Variants in ADORA2B observed in about 807,000 individuals in gnomAD.
The protein encoded by ADORA2B is adenosine receptor A2b.
Under a neutral mutation model 20.8 loss-of-function variants are expected in ADORA2B, and 18 were observed. The observed-to-expected ratio is 0.87, with a 90% CI of 0.60 to 1.29. ADORA2B has a LOEUF of 1.29. Among genes scored for constraint, ADORA2B ranks in the 50% most tolerant of loss-of-function variants. The pLI, the probability that ADORA2B is intolerant of heterozygous loss-of-function variation, is 0.00. For synonymous variants in ADORA2B, 179 were observed against 178.3 expected (o/e 1.00, Z -0.03); for missense variants, 441 against 422.7 (o/e 1.04, Z -0.38).
chr17:15,873,053 A>G, the ADORA2B span, among the ~76,000 whole-genome samples: 3 of 152,246 alleles, frequency 2.0e-5, no homozygotes, highest in Admixed American at 6.5e-5. Flanking sequence ...ATATATCCAC[A>G]TATATATTAT....
At chr17:15,918,710 T>C in the ADORA2B span, among the ~76,000 whole-genome samples, 5 of 152,186 alleles carry the variant, frequency 3.3e-5, no homozygotes, top group South Asian at 1.0e-3. Context: ...GACCTCGTGA[T>C]CTACCCGCCT....
Position 15,945,410 on chromosome 17 carries a change from G to T in ADORA2B, c.162G>T (p.Val54=). ...TGGTGTCCCTGGCTGCGGCCGACGT[G>T]GCCGTGGGGCTCTTCGCCATCCCCT... ...YFLVSLAAAD[V]AVGLFAIPFA... is the part of the protein sequence containing the mutation. The change falls in exon 1 of 2, where the codon GTG becomes GTT. Residue 54 remains valine, a synonymous_variant. Transcript: ENST00000304222. 12 of 1,613,534 alleles carry T rather than the reference G, an allele frequency of 7.4e-6. No homozygotes were observed. Among genetic ancestry groups the T allele is most frequent in the Non-Finnish European group, 1.0e-5 (12 of 1,179,958 alleles).
chr17:15,876,573 C>CCCTTTA, the ADORA2B span, among the ~76,000 whole-genome samples: 1 of 150,796 alleles, frequency 6.6e-6, no homozygotes, highest in Non-Finnish European at 1.5e-5. Flanking sequence ...TTCTGGAACT[C>CCCTTTA]CCTTTACCCT....
chr17:15,956,950 G>T (rs1969973835), intron 1 of ADORA2B, among the ~76,000 whole-genome samples: 1 of 152,136 alleles, frequency 6.6e-6, no homozygotes, highest in Non-Finnish European at 1.5e-5. Flanking sequence ...GTGATAATTA[G>T]GTGGAACTTG....
chr17:15,905,661 T>TG, the ADORA2B span, among the ~76,000 whole-genome samples: 3 of 151,586 alleles, frequency 2.0e-5, no homozygotes, highest in Admixed American at 6.6e-5. Context: ...TGCACCCAGC[T>TG]GGTTTCTTTT....
the ADORA2B span, among the ~76,000 whole-genome samples, chr17:15,887,672 G>T: frequency 7.8e-6 from 1 of 128,296 alleles, no homozygotes; most frequent in Non-Finnish European, 1.6e-5. Flanking sequence ...GATAGGCTGG[G>T]TGTGGTCGCT....
the ADORA2B span, among the ~76,000 whole-genome samples, chr17:15,909,509 G>A: frequency 3.9e-5 from 6 of 152,184 alleles, no homozygotes; most frequent in Non-Finnish European, 8.8e-5. Flanking sequence ...CCACACCTCT[G>A]CCACCATAGT....
chr17:15,927,653 A>G, the ADORA2B span, among the ~76,000 whole-genome samples: 1 of 152,186 alleles, frequency 6.6e-6, no homozygotes. Context: ...GTCTCAAAAA[A>G]TAAAATAAAA....
rs912647262 is a variant in ADORA2B at position 15,975,543 on chromosome 17, T to C, written c.*201T>C. 2.7e-5 allele frequency: 16 copies of C among 595,516 alleles called. No homozygotes were observed. The highest frequency in any genetic ancestry group is 4.4e-5 in the Non-Finnish European group (15 of 338,780). The allele number at this position is 595,516 out of a possible 1,614,324, so 36.9% of individuals were successfully genotyped here. On this transcript the variant is annotated 3_prime_UTR_variant, in exon 2 of 2. Transcript: ENST00000304222. ...CAAGGATTGACAAATATATTTATGA[T>C]CTATTCAGCTGCTTTTACTGTGTGG...
chr17:15,861,376 G>A, the ADORA2B span, among the ~76,000 whole-genome samples: 1 of 152,158 alleles, frequency 6.6e-6, no homozygotes, highest in Non-Finnish European at 1.5e-5. Flanking sequence ...CTCTCTGTCA[G>A]TATTTGTTGG....
chr17:15,971,513 G>A (rs185670597), intron 1 of ADORA2B, among the ~76,000 whole-genome samples: 1 of 152,280 alleles, frequency 6.6e-6, no homozygotes, highest in Admixed American at 6.5e-5. Flanking sequence ...CTCAGCAAAC[G>A]ACTGGTTCTT....
At chr17:15,950,657 G>C (rs1268070403) in intron 1 of ADORA2B, among the ~76,000 whole-genome samples, 3 of 152,176 alleles carry the variant, frequency 2.0e-5, no homozygotes, top group Non-Finnish European at 2.9e-5. Flanking sequence ...ACAGCAGCCA[G>C]ACGGGATGAC....
chr17:15,927,306 A>T, the ADORA2B span, among the ~76,000 whole-genome samples: 1 of 152,112 alleles, frequency 6.6e-6, no homozygotes, highest in African/African-American at 2.4e-5. Flanking sequence ...ACATGGTGAA[A>T]CCCTGTCTCT....
the ADORA2B span, among the ~76,000 whole-genome samples, chr17:15,856,476 GAT>G: frequency 6.6e-6 from 1 of 152,080 alleles, no homozygotes; most frequent in South Asian, 2.1e-4. Flanking sequence ...CTGCTATAAA[GAT>G]AGCCTGAAAA....
chr17:15,864,045 C>G, the ADORA2B span: 1 of 209,188 alleles, frequency 4.8e-6, no homozygotes, highest in East Asian at 1.1e-4. Flanking sequence ...GTGCTCTTCT[C>G]TCTAACCAGT....
the ADORA2B span, among the ~76,000 whole-genome samples, chr17:15,893,335 A>G: frequency 4.6e-5 from 7 of 152,220 alleles, no homozygotes; most frequent in Admixed American, 1.3e-4. Flanking sequence ...ATGAGTAACT[A>G]CCATTTCCCT....
upstream of ADORA2B, among the ~76,000 whole-genome samples, chr17:15,944,379 C>A (rs1375414433): frequency 6.6e-6 from 1 of 152,042 alleles, no homozygotes; most frequent in Non-Finnish European, 1.5e-5. The surrounding 1 kb of genome is among the most constrained non-coding windows in gnomAD (Gnocchi z 4.8). Context: ...GCCTCGGGAG[C>A]CTGTGCCGAT....
chr17:15,893,964 G>A, the ADORA2B span, among the ~76,000 whole-genome samples: 324 of 152,320 alleles, frequency 2.1e-3, no homozygotes, highest in Non-Finnish European at 3.5e-3. Flanking sequence ...AAATGAATGG[G>A]CATGGCTGTG....
At chr17:15,871,211 A>G in the ADORA2B span, among the ~76,000 whole-genome samples, 912 of 152,090 alleles carry the variant, frequency 6.0e-3, 13 homozygotes, top group African/African-American at 0.02. Flanking sequence ...AAAATATCAA[A>G]CAGTGTAGAG....
Sources: allele counts gnomAD v4.1 joint callset (sites outside exome capture counted in the v4.1 genomes callset), GRCh38; gene constraint gnomAD v4.1.1; non-coding constraint Gnocchi (gnomAD v3.1); transcripts MANE v1.5; gene names NCBI Gene and HGNC (gene_info 2026-07-23, HGNC 2026-07-21).